Variants in TMTC2 observed in about 807,000 individuals in gnomAD.
The protein encoded by TMTC2 is protein O-mannosyl-transferase TMTC2.
In TMTC2, 43 loss-of-function variants were observed where a neutral mutation model predicts 82.4. That is an observed-to-expected ratio of 0.52 (90% CI 0.41 to 0.67). TMTC2 has a LOEUF of 0.67. Ranked by LOEUF, TMTC2 falls within the 30% of genes least tolerant of loss-of-function variation. TMTC2 has a pLI of 0.00. For synonymous variants in TMTC2, 408 were observed against 381.9 expected, an observed-to-expected ratio of 1.07 and a Z score of -0.80; for missense variants, 919 against 1,012.4, an observed-to-expected ratio of 0.91 and a Z score of 1.25.
intron 1 of TMTC2, among the ~76,000 whole-genome samples, chr12:82,765,255 C>CT (rs1565740486): frequency 6.6e-6 from 1 of 152,138 alleles, no homozygotes; most frequent in Non-Finnish European, 1.5e-5. Context: ...AAGCACCTTT[C>CT]TATATGATAT....
chr12:82,728,732 G>T lies in TMTC2; in HGVS notation c.83+41063G>T, dbSNP rs558341139. Reference sequence around the variant, plus strand: ...GGAGCCCCTTTCTGGGCTGGCCAAGGCCGGAGCCAGCTTCCTCAGCTTGCG... The same window carrying T: ...GGAGCCCCTTTCTGGGCTGGCCAAGTCCGGAGCCAGCTTCCTCAGCTTGCG... On this transcript the variant is annotated intron_variant, in intron 1 of 11. Coordinates refer to ENST00000321196, the MANE Select transcript of TMTC2 (RefSeq NM_152588.3). Among the ~76,000 whole-genome samples, 21 of 152,372 alleles carry T rather than the reference G, an allele frequency of 1.4e-4. No individual in the cohort carries two copies. In the South Asian group the frequency reaches 4.1e-3, roughly 30 times the overall value.
chr12:82,688,086 C>T (rs1338267267), intron 1 of TMTC2, among the ~76,000 whole-genome samples: 1 of 152,204 alleles, frequency 6.6e-6, no homozygotes, highest in Non-Finnish European at 1.5e-5. Context: ...GTCCCGTTTC[C>T]TTTTATTGAT....
rs972986632 is a variant in TMTC2, at chr12:82,950,919, C to T, written c.1599-14105C>T. Reference sequence around the variant, plus strand: ...CATTTAGATTGAATGCCTACTGTTTCATATTTAACAGGTTAGAATTTAAAA... The same window carrying T: ...CATTTAGATTGAATGCCTACTGTTTTATATTTAACAGGTTAGAATTTAAAA... On this transcript the variant is annotated intron_variant, in intron 4 of 11. Coordinates refer to ENST00000321196, the MANE Select transcript of TMTC2 (RefSeq NM_152588.3). Among the ~76,000 whole-genome samples, 5 of 152,246 alleles carry T rather than the reference C, an allele frequency of 3.3e-5. No homozygotes were observed. The South Asian group carries it at 1.0e-3, about 32-fold the overall frequency.
intron 1 of TMTC2, among the ~76,000 whole-genome samples, chr12:82,774,221 A>G (rs1268315521): frequency 3.3e-5 from 5 of 152,162 alleles, no homozygotes; most frequent in African/African-American, 1.2e-4. Flanking sequence ...ACACAAATGT[A>G]TATGTGTATA....
chr12:82,958,354 C>CAAAAAAAAAA (rs750819932), intron 4 of TMTC2, among the ~76,000 whole-genome samples: 24 of 19,938 alleles, frequency 1.2e-3, no homozygotes, highest in African/African-American at 3.3e-3. Context: ...GAGTCTGTCT[C>CAAAAAAAAAA]AAAAAAAAAA....
intron 1 of TMTC2, among the ~76,000 whole-genome samples, chr12:82,724,410 T>G (rs2136930600): frequency 6.6e-6 from 1 of 152,282 alleles, no homozygotes; most frequent in African/African-American, 2.4e-5. Context: ...GGGAGATGAT[T>G]AGATCATGGG....
At chr12:82,973,905 GT>G (rs1352945376) in intron 7 of TMTC2, among the ~76,000 whole-genome samples, 3 of 152,234 alleles carry the variant, frequency 2.0e-5, no homozygotes, top group African/African-American at 4.8e-5. Flanking sequence ...GAGCCCACCT[GT>G]TACATTAATT....
intron 11 of TMTC2, among the ~76,000 whole-genome samples, chr12:83,088,133 A>T (rs955989015): frequency 1.6e-4 from 25 of 152,306 alleles, no homozygotes; most frequent in Middle Eastern, 6.8e-3. Flanking sequence ...TATTATAGAG[A>T]TGAACCTTTC....
chr12:83,055,531 A>G (rs551926600), intron 10 of TMTC2, among the ~76,000 whole-genome samples: 6 of 152,152 alleles, frequency 3.9e-5, no homozygotes, highest in African/African-American at 1.2e-4. Context: ...ATGAGAAGAA[A>G]CTATTGAATC....
At chr12:82,730,377 G>A (rs1429501123) in intron 1 of TMTC2, among the ~76,000 whole-genome samples, 2 of 150,416 alleles carry the variant, frequency 1.3e-5, no homozygotes, top group African/African-American at 2.4e-5. Flanking sequence ...AATCTCTTGG[G>A]CTTTTCTTCT....
chr12:83,050,787 G>A (rs1882317059), intron 9 of TMTC2, 117 bp from the exon 10 acceptor site: 2 of 577,576 alleles, frequency 3.5e-6, no homozygotes, highest in Non-Finnish European at 6.0e-6. Context: ...TAATGAGTAT[G>A]TTATTAAATC....
intron 3 of TMTC2, among the ~76,000 whole-genome samples, chr12:82,914,192 G>A (rs573647161): frequency 1.3e-5 from 2 of 152,206 alleles, no homozygotes; most frequent in South Asian, 2.1e-4. Context: ...TTTGCATATA[G>A]CAAAGATAAT....
chr12:83,000,690 C>G (rs2082647), intron 8 of TMTC2, among the ~76,000 whole-genome samples: 1 of 151,992 alleles, frequency 6.6e-6, no homozygotes. Context: ...TCACAGCTCC[C>G]GGTGGAGCCC....
At chr12:83,088,280 G>A (rs995226548) in intron 11 of TMTC2, among the ~76,000 whole-genome samples, 1 of 152,178 alleles carries the variant, frequency 6.6e-6, no homozygotes, top group Non-Finnish European at 1.5e-5. Context: ...TTTTCCAGCT[G>A]GTTTGATCTT....
chr12:83,026,355 C>A (rs1272682199), intron 8 of TMTC2, among the ~76,000 whole-genome samples: 2 of 152,058 alleles, frequency 1.3e-5, no homozygotes, highest in Non-Finnish European at 2.9e-5. Context: ...CCAAAATACA[C>A]ATATTTCTTA....
At chr12:83,090,707 C>T (rs554386130) in intron 11 of TMTC2, among the ~76,000 whole-genome samples, 17 of 152,232 alleles carry the variant, frequency 1.1e-4, no homozygotes, top group African/African-American at 4.1e-4. Flanking sequence ...GCACAGTTGC[C>T]TGCTTCCTTC....
intron 1 of TMTC2, among the ~76,000 whole-genome samples, chr12:82,771,699 G>C (rs968108988): frequency 1.3e-5 from 2 of 152,070 alleles, no homozygotes; most frequent in African/African-American, 4.8e-5. Context: ...GGACAGAAAG[G>C]TTATGCATAA....
At chr12:82,971,478 C>T (rs535954584) in intron 7 of TMTC2, among the ~76,000 whole-genome samples, 4 of 151,924 alleles carry the variant, frequency 2.6e-5, no homozygotes, top group African/African-American at 9.6e-5. Context: ...TTTCTTACTC[C>T]TATTATCTCT....
At chr12:82,939,685 A>G (rs1304367901) in intron 4 of TMTC2, among the ~76,000 whole-genome samples, 1 of 152,172 alleles carries the variant, frequency 6.6e-6, no homozygotes, top group Admixed American at 6.5e-5. Context: ...AAATCCCTAT[A>G]TAAACACAGT....
Sources: gnomAD v4.1 joint callset for allele counts (sites outside exome capture counted in the v4.1 genomes callset) on GRCh38, gnomAD v4.1.1 for gene constraint, MANE v1.5 for transcripts, NCBI Gene and HGNC (gene_info 2026-07-23, HGNC 2026-07-21) for gene names.